Variants in TRPV2 observed in about 807,000 individuals in gnomAD.
The protein encoded by TRPV2 is OTRPC2.
Under a neutral mutation model 91.0 loss-of-function variants are expected in TRPV2, and 58 were observed. The observed-to-expected ratio is 0.64, with a 90% confidence interval of 0.52 to 0.79. TRPV2 has a LOEUF of 0.79. Among genes scored for constraint, TRPV2 ranks in the 30% least tolerant of loss-of-function variants. The pLI, the probability that TRPV2 is intolerant of heterozygous loss-of-function variation, is 0.00. For synonymous variants in TRPV2, 417 were observed against 414.8 expected, an observed-to-expected ratio of 1.01 and a Z score of -0.06; for missense variants, 807 against 969.6, an observed-to-expected ratio of 0.83 and a Z score of 2.23.
At position 16,415,818 on chromosome 17, in the gene TRPV2, G is replaced by C. The variant is rs1273534962; in HGVS notation, c.-123G>C. The C allele has an allele frequency of 6.6e-6, 1 of 152,360 alleles. No homozygotes were observed. Among genetic ancestry groups the C allele is most frequent in the Admixed American group, 6.5e-5 (1 of 15,292 alleles). 9.4% of individuals were successfully genotyped at this position (152,360 alleles called of 1,614,324 possible). ...GGGATCCCAGCAGCCGCCACGCCCT[G>C]GCCTCAGCCTGCGGGGTAAGTCGGT... On this transcript the variant is annotated 5_prime_UTR_variant, in exon 1 of 15. Coordinates refer to ENST00000338560, the MANE Select transcript of TRPV2 (RefSeq NM_016113.5). This position sits in a 1 kb window ranked among gnomAD's most constrained non-coding sequence, Gnocchi z 4.5.
At chr17:16,431,279 ATATATATACATATTTTTTTTTTTT>A in intron 10 of TRPV2, among the ~76,000 whole-genome samples, 1 of 74,982 alleles carries the variant, frequency 1.3e-5, no homozygotes, top group Non-Finnish European at 2.5e-5. Flanking sequence ...ATATATATAT[ATATATATACATATTTTTTTTTTTT>A]TTTTTTTTGA....
chr17:16,428,826 G>A lies in TRPV2; in HGVS notation c.1431G>A (p.Gln477=). ...TTCTGCTCCCACACAGCCTGTTCCA[G>A]GCCCTGCTCACAGTGGTGTCCCAGG... The part of the protein sequence containing the change: ...DSYFEILFLF[Q]ALLTVVSQVL... The change falls in exon 10 of 15, where the codon CAG becomes CAA. Residue 477 remains glutamine, a synonymous_variant. Coordinates refer to ENST00000338560, the MANE Select transcript of TRPV2 (RefSeq NM_016113.5). The A allele has an allele frequency of 1.2e-6, 2 of 1,613,320 alleles. No individual in the cohort carries two copies. The highest frequency in any genetic ancestry group is 1.7e-6 in the Non-Finnish European group (2 of 1,179,982).
At chr17:16,419,109 A>G (rs4792738) in intron 2 of TRPV2, among the ~76,000 whole-genome samples, 111,788 of 152,000 alleles carry the variant, frequency 0.74, 42,445 homozygotes, top group African/African-American at 0.92. Flanking sequence ...CACAAGAGAC[A>G]TTAAGCTGGG....
In TRPV2 at chr17:16,428,403, C is replaced by A. The variant is rs773081088; in HGVS notation, c.1421+16C>A. 6.2e-7 allele frequency: 1 copy of A among 1,613,006 alleles called. No homozygotes were observed. Among genetic ancestry groups the A allele is most frequent in the Non-Finnish European group, 8.5e-7 (1 of 1,179,034 alleles). ...AAATCCTCTTGTACGTGGGTTCTCA[C>A]TCCTCCTTCTCTCAACTGTCTCTGA... On this transcript the variant is annotated intron_variant, in intron 9 of 14. Transcript: ENST00000338560.
rs1285996654 is a variant in TRPV2, at chr17:16,417,613, G to A, written c.-56G>A. The A allele has an allele frequency of 6.3e-7, 1 of 1,585,306 alleles. No individual in the cohort carries two copies. The highest frequency in any genetic ancestry group is 2.2e-5 in the East Asian group (1 of 44,692). Reference sequence around the variant, plus strand: ...CAGCTGGGAGGAAGACAGGACCCTTGACATCTCCATCTGCACAGAGGTCCT... The same window carrying A: ...CAGCTGGGAGGAAGACAGGACCCTTAACATCTCCATCTGCACAGAGGTCCT... On this transcript the variant is annotated 5_prime_UTR_variant, in exon 2 of 15. Coordinates refer to ENST00000338560, the MANE Select transcript of TRPV2 (RefSeq NM_016113.5).
At chr17:16,429,318 T>A (rs542287077) in intron 10 of TRPV2, among the ~76,000 whole-genome samples, 9 of 152,322 alleles carry the variant, frequency 5.9e-5, no homozygotes, top group Non-Finnish European at 7.4e-5. Context: ...CTGCATTCAT[T>A]TATGTATTCA....
chr17:16,423,457 C>A lies in TRPV2; in HGVS notation c.626-12C>A. 1.3e-6 allele frequency: 2 copies of A among 1,588,320 alleles called. No homozygotes were observed. Among genetic ancestry groups the A allele is most frequent in the Non-Finnish European group, 1.7e-6 (2 of 1,165,060 alleles). On this transcript the variant is annotated splice_polypyrimidine_tract_variant and intron_variant, in intron 4 of 14. Transcript: ENST00000338560. ...GGAGGCCTGGGGCCCAAGCTGCTCTCTTGGCCTGCAGGTGAGCTACCCCTC... is the reference window on the plus strand; with the variant it reads ...GGAGGCCTGGGGCCCAAGCTGCTCTATTGGCCTGCAGGTGAGCTACCCCTC...
chr17:16,416,667 A>G (rs2093332033), intron 1 of TRPV2: 1 of 152,226 alleles, frequency 6.6e-6, no homozygotes, highest in Non-Finnish European at 1.5e-5. Flanking sequence ...GACTGAAAAT[A>G]TAGACAGACC....
chr17:16,432,498 T>C (rs2093418043), intron 12 of TRPV2, among the ~76,000 whole-genome samples, 198 bp downstream of exon 12: 1 of 150,558 alleles, frequency 6.6e-6, no homozygotes, highest in South Asian at 2.1e-4. Flanking sequence ...TGGAGTGCAG[T>C]GGCACGATCA....
Position 16,427,464 on chromosome 17 carries a change from C to A in TRPV2, c.1267C>A (p.Leu423Met). ...PTLKKQAAPH[L>M]KAEVGNSMLL... Reference sequence around the variant, plus strand: ...GTGTCTTCAGCAGGCCGCCCCTCACCTGAAAGCGGAGGTTGGAAACTCCAT... The same window carrying A: ...GTGTCTTCAGCAGGCCGCCCCTCACATGAAAGCGGAGGTTGGAAACTCCAT... The change falls in exon 8 of 15, where the codon CTG becomes ATG. Residue 423 changes from leucine (L) to methionine (M), a missense_variant. Leu to Met is a conservative substitution (Grantham distance 15). Transcript: ENST00000338560. 6.2e-7 allele frequency: 1 copy of A among 1,613,878 alleles called. No individual in the cohort carries two copies. Among genetic ancestry groups the A allele is most frequent in the Non-Finnish European group, 8.5e-7 (1 of 1,179,858 alleles).
rs774399040 is a variant in TRPV2, at chr17:16,417,855, G to A, written c.187G>A (p.Gly63Arg). Residue 63 changes from glycine (G) to arginine (R), a missense_variant, in exon 2 of 15, where the codon GGA (glycine) becomes AGA (arginine). Transcript: ENST00000338560. Reference protein sequence around the residue: ...QIRVNLNYRKGTGASQPDPNR... With the variant: ...QIRVNLNYRKRTGASQPDPNR... Reference sequence around the variant, plus strand: ...AAGAGTCAACCTCAACTACCGAAAGGGAACAGGTGCCAGGTGAGACAGCAA... The same window carrying A: ...AAGAGTCAACCTCAACTACCGAAAGAGAACAGGTGCCAGGTGAGACAGCAA... 6.6e-5 allele frequency: 106 copies of A among 1,613,932 alleles called. No individual in the cohort carries two copies. The highest frequency in any genetic ancestry group is 8.5e-5 in the Non-Finnish European group (100 of 1,179,964).
chr17:16,429,105 T>G (rs1413936343), intron 10 of TRPV2, 123 bp downstream of exon 10: 2 of 1,114,580 alleles, frequency 1.8e-6, no homozygotes, highest in Non-Finnish European at 2.5e-6. Flanking sequence ...AGCACTCAGA[T>G]GCTTGCTGGA....
chr17:16,434,744 G>C, intron 13 of TRPV2, 146 bp from the exon 14 acceptor site: 1 of 693,402 alleles, frequency 1.4e-6, no homozygotes, highest in Non-Finnish European at 2.4e-6. Context: ...GAACCCTGCA[G>C]AGAAAAAGCC....
At chr17:16,420,027 C>T (rs1420442247) in intron 2 of TRPV2, 88 bp from the exon 3 acceptor site, 32 of 1,548,258 alleles carry the variant, frequency 2.1e-5, no homozygotes, top group Non-Finnish European at 2.5e-5. Flanking sequence ...GTGTACAGGA[C>T]TCCCTGAAAG....
intron 1 of TRPV2, among the ~76,000 whole-genome samples, chr17:16,417,222 T>TAGAAGTAATG (rs2093335022): frequency 6.6e-6 from 1 of 151,782 alleles, no homozygotes; most frequent in East Asian, 1.9e-4. Flanking sequence ...TTTTTGCCAT[T>TAGAAGTAATG]AGAAGTAATG....
chr17:16,431,037 G>GTT (rs762155859), intron 10 of TRPV2, among the ~76,000 whole-genome samples: 4 of 139,666 alleles, frequency 2.9e-5, no homozygotes, highest in African/African-American at 7.9e-5. Context: ...ACCCTGGAAG[G>GTT]TTTTTTTTTT....
intron 9 of TRPV2, 149 bp from the exon 10 acceptor site, chr17:16,428,668 A>AT: frequency 1.2e-6 from 1 of 835,216 alleles, no homozygotes. Flanking sequence ...CATTATTATT[A>AT]TGCCCATTTT....
intron 5 of TRPV2, among the ~76,000 whole-genome samples, chr17:16,424,039 G>T (rs2093371111): frequency 6.6e-6 from 1 of 152,108 alleles, no homozygotes; most frequent in Non-Finnish European, 1.5e-5. Context: ...GCCCAGGCTG[G>T]AGTGCAATGG....
At chr17:16,423,917 A>G in intron 5 of TRPV2, 150 bp downstream of exon 5, 1 of 634,912 alleles carries the variant, frequency 1.6e-6, no homozygotes, top group South Asian at 2.9e-5. Context: ...AATTTTCAGT[A>G]TGTACCTCTG....
Sources: allele counts gnomAD v4.1 joint callset (sites outside exome capture counted in the v4.1 genomes callset), GRCh38; gene constraint gnomAD v4.1.1; non-coding constraint Gnocchi (gnomAD v3.1); transcripts MANE v1.5; gene names NCBI Gene and HGNC (gene_info 2026-07-23, HGNC 2026-07-21).